The following WDR27 variants were observed in gnomAD, a reference collection of about 807,000 sequenced individuals.
WDR27 encodes WD repeat-containing protein 27.
WDR27 carries 100 observed loss-of-function variants against 114.4 expected under a neutral mutation model. The ratio of observed to expected loss-of-function variants is 0.87; its 90% CI spans 0.74 to 1.03. The LOEUF (loss-of-function observed/expected upper bound fraction) is 1.03, where lower values mean the gene tolerates loss of function less well. Ranked by LOEUF, WDR27 falls within the 50% of genes least tolerant of loss-of-function variation. The pLI, the probability that WDR27 is intolerant of heterozygous loss-of-function variation, is 0.00. For missense variants in WDR27, 1,129 were observed against 1,092.9 expected (o/e 1.03, Z -0.47); for synonymous variants, 449 against 423.1 (o/e 1.06, Z -0.75).
intron 25 of WDR27, among the ~76,000 whole-genome samples, chr6:169,537,355 G>A (rs1796305653): frequency 6.6e-6 from 1 of 152,076 alleles, no homozygotes; most frequent in Non-Finnish European, 1.5e-5. Flanking sequence ...TGAGTAAGAG[G>A]GCTGCTTTAA....
intron 25 of WDR27, among the ~76,000 whole-genome samples, chr6:169,486,343 A>G (rs1788887497): frequency 6.6e-6 from 1 of 152,120 alleles, no homozygotes; most frequent in Non-Finnish European, 1.5e-5. Flanking sequence ...TTAAGTATAT[A>G]CCCAGTGTAC....
At chr6:169,504,316 T>C (rs1791726887) in intron 25 of WDR27, among the ~76,000 whole-genome samples, 1 of 152,178 alleles carries the variant, frequency 6.6e-6, no homozygotes, top group South Asian at 2.1e-4. Flanking sequence ...TCACCTTGAA[T>C]TGTAAGAGTC....
chr6:169,473,131 A>C (rs1786651354), intron 25 of WDR27, among the ~76,000 whole-genome samples: 1 of 152,250 alleles, frequency 6.6e-6, no homozygotes, highest in Non-Finnish European at 1.5e-5. Context: ...AGAAAAAGCA[A>C]CAAAGTCCAG....
At position 169,647,857 on chromosome 6, in the gene WDR27, C is replaced by T. The variant is rs6938667; in HGVS notation, c.1573G>A (p.Val525Met). 7.7e-3 allele frequency: 12,052 copies of T among 1,562,486 alleles called. 672 individuals are homozygous for T. The African/African-American group carries it at 0.13, about 17-fold the overall frequency. Residue 525 changes from valine to methionine, a missense_variant, in exon 16 of 26, where the codon GTG becomes ATG. Physicochemically the swap from Val to Met is conservative, Grantham distance 21. Coordinates refer to ENST00000448612, the MANE Select transcript of WDR27 (RefSeq NM_182552.5). ...GGCTTGGTGGGCACAGCGCACTCCA[C>T]GGGGTATGCCTCCCTGAGGGAAGGC... ...RSSCAREAYP[V>M]ECAVPTKPGP...
At chr6:169,510,107 C>T (rs918132153) in intron 25 of WDR27, among the ~76,000 whole-genome samples, 3 of 152,038 alleles carry the variant, frequency 2.0e-5, no homozygotes, top group African/African-American at 4.8e-5. Flanking sequence ...GTTAGAATGG[C>T]GATCATTAAA....
intron 25 of WDR27, among the ~76,000 whole-genome samples, chr6:169,538,051 G>A (rs1796394801): frequency 6.6e-6 from 1 of 152,058 alleles, no homozygotes; most frequent in Non-Finnish European, 1.5e-5. Flanking sequence ...GGTGGGGAGA[G>A]ATGGAGCAAG....
intron 25 of WDR27, among the ~76,000 whole-genome samples, chr6:169,556,036 G>A (rs539367792): frequency 3.9e-5 from 6 of 152,298 alleles, no homozygotes; most frequent in African/African-American, 1.2e-4. Context: ...CATGGGAGGC[G>A]CCTGTGGCAT....
At chr6:169,696,910 T>C (rs1169017705) in intron 1 of WDR27, among the ~76,000 whole-genome samples, 1 of 152,104 alleles carries the variant, frequency 6.6e-6, no homozygotes, top group African/African-American at 2.4e-5. Flanking sequence ...CGAGACCCTG[T>C]CTCAAAAACA....
At chr6:169,450,534 G>A in the WDR27 span, among the ~76,000 whole-genome samples, 88 of 152,260 alleles carry the variant, frequency 5.8e-4, 1 homozygote, top group East Asian at 7.9e-3. Context: ...CCCGTTTAAG[G>A]GAAATGTATT....
chr6:169,426,973 T>TGGGGGGGGGGGGTGGTGGGGGCGGTGG, the WDR27 span: 1 of 35,060 alleles, frequency 2.9e-5, no homozygotes, highest in African/African-American at 8.0e-5. Context: ...GTGGGGGCAG[T>TGGGGGGGGGGGGTGGTGGGGGCGGTGG]GGGGGGGGGG....
intron 25 of WDR27, among the ~76,000 whole-genome samples, chr6:169,457,973 CGGAGGAGGA>C (rs148934854): frequency 8.1e-5 from 9 of 111,794 alleles, no homozygotes; most frequent in Admixed American, 3.5e-4. Flanking sequence ...GCACTCCTGA[CGGAGGAGGA>C]GGAGGAGGAG....
At chr6:169,565,382 T>A (rs1181690109) in intron 25 of WDR27, among the ~76,000 whole-genome samples, 1 of 152,186 alleles carries the variant, frequency 6.6e-6, no homozygotes, top group Admixed American at 6.5e-5. Context: ...AAATCCAGAC[T>A]GTATTTCAGA....
chr6:169,547,451 A>T (rs142503893), intron 25 of WDR27, among the ~76,000 whole-genome samples: 3 of 152,334 alleles, frequency 2.0e-5, no homozygotes, highest in Non-Finnish European at 4.4e-5. Context: ...GTTGAATCCA[A>T]CAATGTACGA....
chr6:169,638,635 C>A lies in WDR27; in HGVS notation c.1773G>T (p.Val591=), dbSNP rs781133806. Residue 591 remains valine, a synonymous_variant, in exon 18 of 26, where the codon GTG becomes GTT. Coordinates refer to ENST00000448612, the MANE Select transcript of WDR27 (RefSeq NM_182552.5). ...FSGHDGAVNA[V]CWSQDRRWLL... is the part of the protein sequence containing the mutation. ...GCCACCTCCGGTCCTGGCTCCAGCACACGGCATTCACTGCCCCGTCGTGAC... is the reference window on the plus strand; with the variant it reads ...GCCACCTCCGGTCCTGGCTCCAGCAAACGGCATTCACTGCCCCGTCGTGAC... The A allele has an allele frequency of 6.2e-7, 1 of 1,605,676 alleles. No individual in the cohort carries two copies. Among genetic ancestry groups the A allele is most frequent in the East Asian group, 2.2e-5 (1 of 44,466 alleles).
intron 25 of WDR27, among the ~76,000 whole-genome samples, chr6:169,490,907 C>T (rs1789665648): frequency 6.6e-6 from 1 of 152,130 alleles, no homozygotes; most frequent in South Asian, 2.1e-4. Context: ...GGATAACAGG[C>T]CCAAAGCTGG....
intron 22 of WDR27, among the ~76,000 whole-genome samples, chr6:169,610,687 A>G (rs966384196): frequency 6.6e-6 from 1 of 152,192 alleles, no homozygotes; most frequent in Non-Finnish European, 1.5e-5. Context: ...TGGTATATAG[A>G]CACCATGAAA....
intron 19 of WDR27, among the ~76,000 whole-genome samples, chr6:169,635,005 G>A (rs1199021747): frequency 6.6e-6 from 1 of 152,204 alleles, no homozygotes; most frequent in Admixed American, 6.5e-5. Context: ...CAGGGGCAAA[G>A]GGCTGTGCCA....
downstream of WDR27, among the ~76,000 whole-genome samples, chr6:169,454,631 C>A (rs1227036170): frequency 1.3e-5 from 2 of 152,318 alleles, no homozygotes; most frequent in Middle Eastern, 3.4e-3. Flanking sequence ...TCAGACCACC[C>A]CCCTTGGTGG....
chr6:169,461,016 G>A (rs1390570429), intron 25 of WDR27, among the ~76,000 whole-genome samples: 3 of 151,452 alleles, frequency 2.0e-5, no homozygotes, highest in African/African-American at 7.3e-5. Context: ...AGTCAAAAAG[G>A]CTAAAAGAAA....
Sources: allele counts gnomAD v4.1 joint callset (sites outside exome capture counted in the v4.1 genomes callset), GRCh38; gene constraint gnomAD v4.1.1; transcripts MANE v1.5; gene names NCBI Gene and HGNC (gene_info 2026-07-23, HGNC 2026-07-21).